The following PCNX2 variants were observed in gnomAD, a reference collection of about 807,000 sequenced individuals.
The protein encoded by PCNX2 is pecanex-like protein 2.
PCNX2 carries 168 observed loss-of-function variants against 223.8 expected under a neutral mutation model. The ratio of observed to expected loss-of-function variants is 0.75; its 90% CI spans 0.66 to 0.85. The LOEUF (loss-of-function observed/expected upper bound fraction) is 0.85, where lower values mean the gene tolerates loss of function less well. PCNX2 is among the 40% of genes least tolerant of loss of function. The probability of loss-of-function intolerance (pLI) is 0.00; values close to 1 mark genes in which losing one functional copy is unlikely to be tolerated. For missense variants in PCNX2, 2,507 were observed against 2,675.5 expected (o/e 0.94, Z 1.39); for synonymous variants, 1,006 against 1,052.6 (o/e 0.96, Z 0.86).
chr1:233,028,839 CT>C lies in PCNX2; in HGVS notation c.4352-3441del, dbSNP rs552422159. On this transcript the variant is annotated intron_variant, in intron 25 of 33. Transcript: ENST00000258229. ...TTTTAAATTTGTATTCTTTCCAGTC[CT>C]TTTTTTTTTTTTTTTTGAGATGGAG... Among the ~76,000 whole-genome samples the C allele has an allele frequency of 5.8e-3, 754 of 129,736 alleles. 5 individuals are homozygous for C. Among genetic ancestry groups the C allele is most frequent in the African/African-American group, 0.017 (610 of 35,362 alleles). 85.1% of individuals were successfully genotyped at this position (129,736 alleles called of 152,430 possible).
intron 15 of PCNX2, among the ~76,000 whole-genome samples, chr1:233,183,791 C>T (rs370399915): frequency 2.0e-5 from 3 of 152,200 alleles, no homozygotes; most frequent in Middle Eastern, 3.4e-3. Context: ...ACAGAGCACA[C>T]GAGGGGCTAC....
rs575753772 is a variant in PCNX2, at chr1:233,174,928, G to A, written c.3273+2874C>T. Among the ~76,000 whole-genome samples, 10 of 152,284 alleles carry A rather than the reference G, an allele frequency of 6.6e-5. No homozygotes were observed. The East Asian group carries it at 1.9e-3, about 29-fold the overall frequency. ...TGTTTCTAGATCAATGTTTCCTGAA[G>A]TGCAATCTGTGGATCACCTAAACAG... On this transcript the variant is annotated intron_variant, in intron 17 of 33. Coordinates refer to ENST00000258229, the MANE Select transcript of PCNX2 (RefSeq NM_014801.4).
At position 233,252,339 on chromosome 1, in the gene PCNX2, G is replaced by T. The variant is rs1461313482; in HGVS notation, c.2128+15C>A. ...TTCCCTGCTTGTTCATTAGTAAAGA[G>T]CTCCAAAGACTCACCATGTTCATCA... On this transcript the variant is annotated intron_variant, in intron 7 of 33. Transcript: ENST00000258229. 6.3e-7 allele frequency: 1 copy of T among 1,593,706 alleles called. No individual in the cohort carries two copies. Among genetic ancestry groups the T allele is most frequent in the Non-Finnish European group, 8.6e-7 (1 of 1,166,442 alleles).
At chr1:233,267,176 G>A (rs996513057) in intron 1 of PCNX2, among the ~76,000 whole-genome samples, 3 of 152,084 alleles carry the variant, frequency 2.0e-5, no homozygotes, top group Non-Finnish European at 2.9e-5. Flanking sequence ...AATTAGCCAG[G>A]CGTGGTGGTG....
chr1:233,076,779 C>T (rs1161848238), intron 23 of PCNX2, among the ~76,000 whole-genome samples: 2 of 152,108 alleles, frequency 1.3e-5, no homozygotes, highest in South Asian at 2.1e-4. Context: ...TTATTATATG[C>T]AAGTTTGACA....
the PCNX2 span, among the ~76,000 whole-genome samples, chr1:233,318,964 C>T: frequency 1.3e-5 from 2 of 152,114 alleles, no homozygotes; most frequent in Admixed American, 1.3e-4. Context: ...GGTGACCAGC[C>T]ACCCCAAGAC....
At position 233,000,614 on chromosome 1, in the gene PCNX2, GC is replaced by G; in HGVS notation, c.5098-80del. 1 of 1,131,250 alleles carries G rather than the reference GC, an allele frequency of 8.8e-7. No individual in the cohort carries two copies. The highest frequency in any genetic ancestry group is 1.3e-6 in the Non-Finnish European group (1 of 788,270). 70.1% of individuals were successfully genotyped at this position (1,131,250 alleles called of 1,614,324 possible). A position where few individuals can be genotyped will look rare whatever the true frequency, so the allele number is the denominator to read the frequency against. ...CCAGGAAGCATGCAGATGGCAACTG[GC>G]CAGTGACCTCCAAAGCTAAGCTCTT... On this transcript the variant is annotated intron_variant, in intron 29 of 33. Transcript: ENST00000258229. This position sits in a 1 kb window ranked among gnomAD's most constrained non-coding sequence, Gnocchi z 4.6.
At chr1:233,250,947 T>C (rs1659414104) in intron 7 of PCNX2, 115 bp from the exon 8 acceptor site, 1 of 1,122,112 alleles carries the variant, frequency 8.9e-7, no homozygotes. Context: ...TTATAATAAC[T>C]GTTGACAATC....
intron 26 of PCNX2, among the ~76,000 whole-genome samples, chr1:233,018,565 T>C (rs777669632): frequency 2.0e-4 from 31 of 152,106 alleles, no homozygotes; most frequent in Non-Finnish European, 2.1e-4. Flanking sequence ...AATTCCTCCA[T>C]CAAAAAGGCT....
intron 17 of PCNX2, among the ~76,000 whole-genome samples, chr1:233,169,050 A>G (rs1047337748): frequency 1.3e-5 from 2 of 152,160 alleles, no homozygotes; most frequent in African/African-American, 4.8e-5. Flanking sequence ...TTATATACAA[A>G]TGATACACAT....
At chr1:233,288,593 T>C (rs1036430110) in intron 1 of PCNX2, among the ~76,000 whole-genome samples, 1 of 151,984 alleles carries the variant, frequency 6.6e-6, no homozygotes, top group African/African-American at 2.4e-5. Context: ...AAAATAATTA[T>C]CAATTTGAAA....
At chr1:233,159,892 T>C (rs919074057) in intron 19 of PCNX2, among the ~76,000 whole-genome samples, 5 of 152,334 alleles carry the variant, frequency 3.3e-5, no homozygotes, top group East Asian at 1.9e-4. Flanking sequence ...CATCATTTCA[T>C]GAAGGATGGG....
chr1:233,267,244 G>T (rs1323882748), intron 1 of PCNX2, among the ~76,000 whole-genome samples: 2 of 151,728 alleles, frequency 1.3e-5, no homozygotes, highest in African/African-American at 2.4e-5. Context: ...TTGAACGTGG[G>T]AGGCAGAGGT....
At position 233,135,045 on chromosome 1, in the gene PCNX2, C is replaced by A. The variant is rs1313835161; in HGVS notation, c.3805G>T (p.Asp1269Tyr). ...YKDISESFLL[D>Y]FFMVSILFSK... ...AATAAAATGGACACCATGAAGAAAT[C>A]CAGTAAGAAGCTCTCTGAAATATCT... The change falls in exon 21 of 34, where the codon GAT (aspartate) becomes TAT (tyrosine). Residue 1269 changes from aspartate (D) to tyrosine (Y), a missense_variant. Physicochemically the swap from Asp to Tyr is radical, Grantham distance 160. Around this residue, in one of 3 missense-constraint regions of PCNX2, gnomAD observed 1,372 missense variants for 1,509.4 expected, o/e 0.91. Transcript: ENST00000258229. 1 of 1,611,256 alleles carries A rather than the reference C, an allele frequency of 6.2e-7. No homozygotes were observed. The highest frequency in any genetic ancestry group is 8.5e-7 in the Non-Finnish European group (1 of 1,177,614).
intron 21 of PCNX2, among the ~76,000 whole-genome samples, chr1:233,107,186 TACAC>T (rs112899127): frequency 0.011 from 1,184 of 112,680 alleles, 14 homozygotes; most frequent in African/African-American, 0.038. Context: ...ACATGTATTA[TACAC>T]ACACACACAC....
At chr1:233,119,403 C>CAAAAAAAAAAAAAAA (rs71173251) in intron 21 of PCNX2, among the ~76,000 whole-genome samples, 17 of 38,626 alleles carry the variant, frequency 4.4e-4, no homozygotes, top group Admixed American at 9.6e-4. Flanking sequence ...ACTAAAAATA[C>CAAAAAAAAAAAAAAA]AAAAAAAAAA....
At chr1:233,255,505 G>A (rs1176474406) in intron 5 of PCNX2, among the ~76,000 whole-genome samples, 4 of 152,128 alleles carry the variant, frequency 2.6e-5, no homozygotes, top group Non-Finnish European at 1.5e-5. Flanking sequence ...TCTCATGTGG[G>A]CGGTCCTCAT....
chr1:233,325,550 C>G, the PCNX2 span, among the ~76,000 whole-genome samples: 1 of 150,906 alleles, frequency 6.6e-6, no homozygotes, highest in Non-Finnish European at 1.5e-5. Context: ...GTGGTGGGCA[C>G]CTGTAGTCCC....
chr1:232,989,906 G>A (rs1423623228), intron 32 of PCNX2, among the ~76,000 whole-genome samples: 2 of 152,394 alleles, frequency 1.3e-5, no homozygotes, highest in African/African-American at 2.4e-5. Context: ...TGGAGGGCAA[G>A]CTAAAGGTTA....
Sources: allele counts gnomAD v4.1 joint callset (sites outside exome capture counted in the v4.1 genomes callset), GRCh38; gene constraint gnomAD v4.1.1; regional missense constraint gnomAD v4.1.1; non-coding constraint Gnocchi (gnomAD v3.1); transcripts MANE v1.5; gene names NCBI Gene and HGNC (gene_info 2026-07-23, HGNC 2026-07-21).